DENND2B: variants seen among roughly 807,000 people sequenced by gnomAD.
The protein encoded by DENND2B is DENN domain-containing protein 2B.
DENND2B carries 32 observed loss-of-function variants against 116.0 expected under a neutral mutation model. That is an observed-to-expected ratio of 0.28 (90% CI 0.21 to 0.37). The LOEUF is 0.37. Ranked by LOEUF, DENND2B falls within the 10% of genes least tolerant of loss-of-function variation. The pLI, the probability that DENND2B is intolerant of heterozygous loss-of-function variation, is 1.00. For missense variants in DENND2B, 1,276 were observed against 1,477.7 expected (o/e 0.86, Z 2.24); for synonymous variants, 588 against 583.9 (o/e 1.01, Z -0.10).
intron 11 of DENND2B, 62 bp downstream of exon 11, chr11:8,710,782 CA>C: frequency 2.7e-6 from 4 of 1,456,558 alleles, no homozygotes; most frequent in South Asian, 1.1e-5. Flanking sequence ...CACACACACA[CA>C]CACACACACA....
intron 11 of DENND2B, chr11:8,708,301 GCTT>G (rs2042971695): frequency 2.0e-6 from 2 of 985,072 alleles, no homozygotes; most frequent in African/African-American, 1.7e-5. Flanking sequence ...TCCTTTTTTT[GCTT>G]CTTTTCTCCC....
At chr11:8,854,314 G>A (rs1320409019) in intron 3 of DENND2B, among the ~76,000 whole-genome samples, 1 of 151,950 alleles carries the variant, frequency 6.6e-6, no homozygotes, top group Non-Finnish European at 1.5e-5. Context: ...CAATTCTCCT[G>A]CCTCAGCCTC....
At chr11:8,699,181 C>G in intron 15 of DENND2B, 32 bp downstream of exon 15, 1 of 1,536,926 alleles carries the variant, frequency 6.5e-7, no homozygotes, top group Non-Finnish European at 8.7e-7. Context: ...CCCCTCCACC[C>G]TTCCCCCCAG....
chr11:8,879,119 C>T (rs2134724658), intron 2 of DENND2B, among the ~76,000 whole-genome samples: 1 of 152,328 alleles, frequency 6.6e-6, no homozygotes, highest in South Asian at 2.1e-4. Context: ...TCTACCGTTC[C>T]AGTCACTGTG....
chr11:8,810,357 C>T (rs2061279707), intron 1 of DENND2B, 160 bp downstream of exon 1: 2 of 152,162 alleles, frequency 1.3e-5, no homozygotes, highest in Admixed American at 6.5e-5. Context: ...CTGTTTCCCT[C>T]CTCCTTAAGC....
chr11:8,773,835 C>T (rs1341619720), intron 1 of DENND2B, among the ~76,000 whole-genome samples: 1 of 152,030 alleles, frequency 6.6e-6, no homozygotes, highest in African/African-American at 2.4e-5. Flanking sequence ...TCTATGGGAA[C>T]TCTCTGTCTC....
intron 4 of DENND2B, among the ~76,000 whole-genome samples, chr11:8,837,091 T>C (rs1443820045): frequency 1.3e-5 from 2 of 152,060 alleles, no homozygotes; most frequent in East Asian, 3.9e-4. Flanking sequence ...ATTGTCTTTG[T>C]CCAACTCATT....
chr11:8,881,980 T>G (rs2063908327), intron 1 of DENND2B, among the ~76,000 whole-genome samples: 2 of 151,514 alleles, frequency 1.3e-5, no homozygotes, highest in Admixed American at 1.3e-4. Context: ...TATCTCCTTC[T>G]CTGTATACTC....
intron 1 of DENND2B, among the ~76,000 whole-genome samples, chr11:8,807,081 G>C (rs1431185864): frequency 6.6e-6 from 1 of 151,934 alleles, no homozygotes; most frequent in Non-Finnish European, 1.5e-5. Flanking sequence ...GGCACAGAAG[G>C]AAGGCCAAGC....
intron 2 of DENND2B, among the ~76,000 whole-genome samples, chr11:8,737,679 T>TC (rs1565791550): frequency 1.7e-5 from 2 of 117,690 alleles, no homozygotes; most frequent in Non-Finnish European, 4.0e-5. Flanking sequence ...TTCTTTCTCT[T>TC]TCTCTCTCTC....
chr11:8,807,947 C>G (rs10840129), intron 1 of DENND2B: 101,945 of 152,180 alleles, frequency 0.67, 34,942 homozygotes, highest in East Asian at 0.95. Flanking sequence ...CTGTGGGTGA[C>G]GCGCTCTAGT....
Position 8,712,770 on chromosome 11 carries a change from C to T in DENND2B, c.1988-35G>A. The T allele has an allele frequency of 6.3e-6, 10 of 1,584,524 alleles. No homozygotes were observed. The highest frequency in any genetic ancestry group is 7.7e-6 in the Non-Finnish European group (9 of 1,166,158). Reference sequence around the variant, plus strand: ...GGTTGCACATCAGGGAATGGACCCTCACAGGCCTCATGTTAACTCCTCTAC... The same window carrying T: ...GGTTGCACATCAGGGAATGGACCCTTACAGGCCTCATGTTAACTCCTCTAC... On this transcript the variant is annotated intron_variant, in intron 8 of 19. Coordinates refer to ENST00000313726, the MANE Select transcript of DENND2B (RefSeq NM_213618.2). The surrounding 1 kb of genome is among the most constrained non-coding windows in gnomAD (Gnocchi z 4.4).
Position 8,851,872 on chromosome 11 carries a change from T to C in DENND2B, c.-156+5471A>G, listed in dbSNP as rs191564286. ...TATCTCTGTGTAGTAGGATTGTGGG[T>C]GATCTTTTTCCTATTTTCCAATTTT... On this transcript the variant is annotated intron_variant, in intron 3 of 6. Coordinates refer to the DENND2B transcript ENST00000524757. Among the ~76,000 whole-genome samples the C allele has an allele frequency of 3.7e-3, 562 of 152,286 alleles. 7 individuals are homozygous for C. Among genetic ancestry groups the C allele is most frequent in the African/African-American group, 0.013 (533 of 41,544 alleles).
At chr11:8,718,587 C>A in intron 4 of DENND2B, 1 of 1,358,190 alleles carries the variant, frequency 7.4e-7, no homozygotes, top group Non-Finnish European at 9.5e-7. Flanking sequence ...CTGATCTCAG[C>A]AAAAAGAGAA....
intron 2 of DENND2B, among the ~76,000 whole-genome samples, chr11:8,866,229 G>A (rs1358641196): frequency 6.6e-6 from 1 of 152,178 alleles, no homozygotes; most frequent in Non-Finnish European, 1.5e-5. Context: ...AAAGTGCTGG[G>A]ATTACAGGCG....
chr11:8,699,137 G>A (rs1022130862), intron 15 of DENND2B, 76 bp downstream of exon 15: 41 of 1,513,182 alleles, frequency 2.7e-5, no homozygotes, highest in African/African-American at 4.2e-5. Flanking sequence ...TAAAGAGGCC[G>A]AGGGGCCACA....
chr11:8,782,037 C>T (rs1388130942), intron 1 of DENND2B, among the ~76,000 whole-genome samples: 1 of 152,190 alleles, frequency 6.6e-6, no homozygotes, highest in Non-Finnish European at 1.5e-5. Flanking sequence ...GCTAAAGAAT[C>T]ATACTCCCCA....
chr11:8,887,112 G>A (rs1473536120), intron 1 of DENND2B, among the ~76,000 whole-genome samples: 1 of 152,154 alleles, frequency 6.6e-6, no homozygotes, highest in Non-Finnish European at 1.5e-5. Flanking sequence ...ACAGCACGGT[G>A]AGCCACCACG....
At chr11:8,818,092 T>C (rs1448613206) in intron 4 of DENND2B, among the ~76,000 whole-genome samples, 1 of 23,502 alleles carries the variant, frequency 4.3e-5, no homozygotes, top group Non-Finnish European at 2.0e-4. Context: ...CAAAACTCCG[T>C]CTCTACTAAA....
Sources: allele counts gnomAD v4.1 joint callset (sites outside exome capture counted in the v4.1 genomes callset), GRCh38; gene constraint gnomAD v4.1.1; non-coding constraint Gnocchi (gnomAD v3.1); transcripts MANE v1.5; gene names NCBI Gene and HGNC (gene_info 2026-07-23, HGNC 2026-07-21).